Variants in RAPGEF4 observed in about 807,000 individuals in gnomAD.
RAPGEF4 encodes Rap guanine nucleotide exchange factor 4.
A neutral mutation model predicts 147.9 loss-of-function variants in RAPGEF4; 66 were observed. The observed-to-expected ratio is 0.45, with a 90% CI of 0.37 to 0.55. RAPGEF4 has a LOEUF of 0.55. Among genes scored for constraint, RAPGEF4 ranks in the 20% least tolerant of loss-of-function variants. The probability of loss-of-function intolerance (pLI) is 0.00; values close to 1 mark genes in which losing one functional copy is unlikely to be tolerated. For missense variants in RAPGEF4, 1,071 were observed against 1,257.3 expected (o/e 0.85, Z 2.24); for synonymous variants, 419 against 442.7 (o/e 0.95, Z 0.67).
chr2:172,896,482 A>C (rs572373325), intron 4 of RAPGEF4, among the ~76,000 whole-genome samples: 2 of 152,182 alleles, frequency 1.3e-5, no homozygotes, highest in African/African-American at 4.8e-5. Flanking sequence ...TTATATAATC[A>C]AAATAGTATT....
At chr2:172,895,385 C>T (rs1302032966) in intron 4 of RAPGEF4, among the ~76,000 whole-genome samples, 2 of 152,098 alleles carry the variant, frequency 1.3e-5, no homozygotes, top group Non-Finnish European at 2.9e-5. Flanking sequence ...CTTTTTCTAC[C>T]CTTGCAGGCT....
intron 30 of RAPGEF4, among the ~76,000 whole-genome samples, chr2:173,049,320 T>G (rs1685909487): frequency 6.6e-6 from 1 of 152,214 alleles, no homozygotes; most frequent in Non-Finnish European, 1.5e-5. Flanking sequence ...ACTAGACCAG[T>G]GCTACTGTTT....
At chr2:172,848,757 C>G (rs773009847) in intron 4 of RAPGEF4, among the ~76,000 whole-genome samples, 19 of 152,104 alleles carry the variant, frequency 1.2e-4, no homozygotes, top group Non-Finnish European at 2.4e-4. Flanking sequence ...GAACAGCCTT[C>G]GAGTCCAGCA....
intron 4 of RAPGEF4, among the ~76,000 whole-genome samples, chr2:172,815,273 T>C (rs988609164): frequency 6.6e-6 from 1 of 152,220 alleles, no homozygotes; most frequent in African/African-American, 2.4e-5. Flanking sequence ...TGTAATCAAA[T>C]AGTTTCCTCC....
intron 27 of RAPGEF4, among the ~76,000 whole-genome samples, chr2:173,034,600 G>A (rs1277830551): frequency 1.3e-5 from 2 of 152,070 alleles, no homozygotes; most frequent in Admixed American, 6.5e-5. Context: ...CAGGCCAGGC[G>A]CAGTGGTTCA....
At position 173,041,932 on chromosome 2, in the gene RAPGEF4, G is replaced by A. The variant is rs546462808; in HGVS notation, c.2853+5240G>A. On this transcript the variant is annotated intron_variant, in intron 29 of 30. Coordinates refer to ENST00000397081, the MANE Select transcript of RAPGEF4 (RefSeq NM_007023.4). Reference sequence around the variant, plus strand: ...CTTCCCTAACCACCCTTGTGGGAAGGGAAGAAGATCACACATCTTCCCTGA... The same window carrying A: ...CTTCCCTAACCACCCTTGTGGGAAGAGAAGAAGATCACACATCTTCCCTGA... 4.6e-5 allele frequency among the ~76,000 whole-genome samples: 7 copies of A among 152,236 alleles called. No homozygotes were observed. In the East Asian group the frequency reaches 7.7e-4, roughly 17 times the overall value.
At chr2:172,853,714 A>G (rs929696183) in intron 4 of RAPGEF4, among the ~76,000 whole-genome samples, 2 of 151,934 alleles carry the variant, frequency 1.3e-5, no homozygotes, top group East Asian at 3.9e-4. Flanking sequence ...GTTTTCTACA[A>G]ATTTTGATAT....
chr2:172,798,696 T>C (rs576564037), intron 3 of RAPGEF4, among the ~76,000 whole-genome samples: 91 of 145,500 alleles, frequency 6.3e-4, no homozygotes, highest in Non-Finnish European at 1.1e-3. Context: ...CACACCAAAT[T>C]TGAGGTTTAC....
At chr2:172,993,025 C>A (rs902648692) in intron 15 of RAPGEF4, among the ~76,000 whole-genome samples, 4 of 152,122 alleles carry the variant, frequency 2.6e-5, no homozygotes, top group African/African-American at 9.7e-5. Flanking sequence ...TAGGGCCTCT[C>A]CTCAGAAATT....
chr2:173,049,945 G>A (rs1350615895), intron 30 of RAPGEF4, among the ~76,000 whole-genome samples: 1 of 152,158 alleles, frequency 6.6e-6, no homozygotes, highest in African/African-American at 2.4e-5. Flanking sequence ...GGATAAAAGG[G>A]GACCCTGAAA....
chr2:172,913,750 A>G (rs1683714070), intron 4 of RAPGEF4, among the ~76,000 whole-genome samples: 2 of 152,220 alleles, frequency 1.3e-5, no homozygotes, highest in South Asian at 2.1e-4. Context: ...TTTGAAATCT[A>G]TTAGAGAGTT....
chr2:172,766,609 C>T (rs145853030), intron 1 of RAPGEF4, among the ~76,000 whole-genome samples: 177 of 152,250 alleles, frequency 1.2e-3, no homozygotes, highest in African/African-American at 4.0e-3. Context: ...TCACCACAAT[C>T]GAGATAGCAC....
intron 29 of RAPGEF4, among the ~76,000 whole-genome samples, chr2:173,038,899 C>T (rs560913746): frequency 3.3e-5 from 5 of 152,080 alleles, no homozygotes; most frequent in African/African-American, 4.8e-5. Context: ...GTGTCCCATC[C>T]GTAACCTGCA....
intron 25 of RAPGEF4, 59 bp from the exon 26 acceptor site, chr2:173,030,104 AT>A: frequency 6.2e-5 from 74 of 1,199,186 alleles, no homozygotes; most frequent in Middle Eastern, 2.0e-4. Context: ...TAGAACTCTA[AT>A]TTTTTTTATC....
chr2:172,909,778 A>G (rs1181815826), intron 4 of RAPGEF4, among the ~76,000 whole-genome samples: 1 of 152,230 alleles, frequency 6.6e-6, no homozygotes, highest in African/African-American at 2.4e-5. Flanking sequence ...TTAAACTTCT[A>G]TAAAGATATG....
chr2:172,956,500 C>T (rs1472320192), intron 6 of RAPGEF4, among the ~76,000 whole-genome samples: 23 of 138,488 alleles, frequency 1.7e-4, no homozygotes, highest in African/African-American at 2.7e-4. Context: ...GATGGAATCT[C>T]ACTCTGTCGC....
chr2:173,037,275 A>C (rs1684152543), intron 29 of RAPGEF4, among the ~76,000 whole-genome samples: 1 of 132,548 alleles, frequency 7.5e-6, no homozygotes, highest in Non-Finnish European at 1.8e-5. Context: ...GCTAAAGTGC[A>C]GTGTTGTGAT....
At chr2:172,834,587 A>G (rs759025496) in intron 4 of RAPGEF4, among the ~76,000 whole-genome samples, 1 of 152,218 alleles carries the variant, frequency 6.6e-6, no homozygotes, top group Non-Finnish European at 1.5e-5. Context: ...ATTTGTTTAT[A>G]AAATCCCAAG....
intron 5 of RAPGEF4, 60 bp downstream of exon 5, chr2:172,917,934 T>C (rs1476455728): frequency 1.4e-6 from 2 of 1,445,004 alleles, no homozygotes; most frequent in African/African-American, 2.8e-5. Flanking sequence ...TGTGTTTTCA[T>C]GTGACAAAAA....
Sources: gnomAD v4.1 joint callset for allele counts (sites outside exome capture counted in the v4.1 genomes callset) on GRCh38, gnomAD v4.1.1 for gene constraint, MANE v1.5 for transcripts, NCBI Gene and HGNC (gene_info 2026-07-23, HGNC 2026-07-21) for gene names.